LCT: variants seen among roughly 807,000 people sequenced by gnomAD.
LCT encodes the protein lactase/phlorizin hydrolase.
A neutral mutation model predicts 173.0 loss-of-function variants in LCT; 90 were observed. The observed-to-expected ratio is 0.52, with a 90% CI of 0.44 to 0.62. LCT has a LOEUF of 0.62. LCT is among the 20% of genes least tolerant of loss of function. The probability of loss-of-function intolerance (pLI) is 0.00; values close to 1 mark genes in which losing one functional copy is unlikely to be tolerated. For missense variants in LCT, 1,864 were observed against 2,431.4 expected (o/e 0.77, Z 4.91); for synonymous variants, 853 against 957.6 (o/e 0.89, Z 2.02).
At position 135,798,119 on chromosome 2, in the gene LCT, G is replaced by A. The variant is rs1365427482; in HGVS notation, c.4886C>T (p.Ala1629Val). 1.2e-6 allele frequency: 2 copies of A among 1,606,620 alleles called. No homozygotes were observed. Among genetic ancestry groups the A allele is most frequent in the Non-Finnish European group, 1.7e-6 (2 of 1,173,064 alleles). The change falls in exon 13 of 17, where the codon GCA becomes GTA. Residue 1629 changes from alanine to valine, a missense_variant. Coordinates refer to ENST00000264162, the MANE Select transcript of LCT (RefSeq NM_002299.4). ...ATCTCCATTCTTGAAAATAGGATGTGCAAACCAGCCTCCCATGAACTGCGG... is the reference window on the plus strand; with the variant it reads ...ATCTCCATTCTTGAAAATAGGATGTACAAACCAGCCTCCCATGAACTGCGG... ...RYVQFMGGWF[A>V]HPIFKNGDYN...
At position 135,823,928 on chromosome 2, in the gene LCT, C is replaced by A. The variant is rs1558743815; in HGVS notation, c.880G>T (p.Ala294Ser). The A allele has an allele frequency of 3.1e-6, 5 of 1,613,578 alleles. No individual in the cohort carries two copies. The highest frequency in any genetic ancestry group is 2.5e-6 in the Non-Finnish European group (3 of 1,179,594). ...TCAAAAAGGCTGAAGAGCAGACTGG[C>A]TGGGTTCTTCATGGTGGAGGGGCAG... ...PDCPSTMKNP[A>S]SLLFSLFEAI... The change falls in exon 4 of 17, where the codon GCC becomes TCC. Residue 294 changes from alanine to serine, a missense_variant. This residue lies in a region of LCT where 412 missense variants were observed against 462.0 expected (regional missense o/e 0.89). Coordinates refer to ENST00000264162, the MANE Select transcript of LCT (RefSeq NM_002299.4).
intron 3 of LCT, among the ~76,000 whole-genome samples, chr2:135,826,345 C>T (rs2077888411): frequency 6.7e-6 from 1 of 150,322 alleles, no homozygotes; most frequent in Non-Finnish European, 1.5e-5. Flanking sequence ...TCACTTGAGG[C>T]CAGGAGTTCG....
intron 2 of LCT, among the ~76,000 whole-genome samples, chr2:135,831,241 G>C (rs1022870580): frequency 6.6e-6 from 1 of 152,178 alleles, no homozygotes; most frequent in Non-Finnish European, 1.5e-5. Context: ...GCACAGTTAC[G>C]TGTACATTAA....
In LCT at chr2:135,790,718, C is replaced by G; in HGVS notation, c.5275G>C (p.Asp1759His). The G allele has an allele frequency of 1.9e-6, 3 of 1,613,684 alleles. No individual in the cohort carries two copies. Among genetic ancestry groups the G allele is most frequent in the Non-Finnish European group, 2.5e-6 (3 of 1,179,954 alleles). ...ENGVSQREETDLNDTARIYYL... is the reference protein window; with the variant it reads ...ENGVSQREETHLNDTARIYYL... ...TAGATCCTTGCAGTGTCATTGAGGT[C>G]TGTTTCTTCCCGCTGGGACACTCCA... The change falls in exon 15 of 17, where the codon GAC (aspartate) becomes CAC (histidine). Residue 1759 changes from aspartate (D) to histidine (H), a missense_variant. Physicochemically the swap from Asp to His is moderately conservative, Grantham distance 81. Around this residue, in one of 4 missense-constraint regions of LCT, gnomAD observed 514 missense variants for 750.1 expected, o/e 0.69. Coordinates refer to ENST00000264162, the MANE Select transcript of LCT (RefSeq NM_002299.4). The surrounding 1 kb of genome is among the most constrained non-coding windows in gnomAD (Gnocchi z 4.1).
chr2:135,823,851 A>G (rs2077859166), intron 4 of LCT, 50 bp downstream of exon 4: 3 of 1,213,890 alleles, frequency 2.5e-6, no homozygotes, highest in Admixed American at 1.7e-5. Flanking sequence ...TACCTAGCAC[A>G]CCAGTGCACC....
In LCT at chr2:135,809,500, TC is replaced by T; in HGVS notation, c.2846del (p.Gly949GlufsTer15). The T allele has an allele frequency of 6.2e-7, 1 of 1,614,248 alleles. No homozygotes were observed. Among genetic ancestry groups the T allele is most frequent in the Non-Finnish European group, 8.5e-7 (1 of 1,180,040 alleles). On this transcript the variant is annotated frameshift_variant, in exon 8 of 17. Coordinates refer to ENST00000264162, the MANE Select transcript of LCT (RefSeq NM_002299.4). LOFTEE classifies it high-confidence loss of function. The surrounding 1 kb of genome is among the most constrained non-coding windows in gnomAD (Gnocchi z 5.5). ...GGTGATAGCTGTCACAGGCGATGTC[TC>T]CAGTGGCATTGTCTTTCACATTGCT... ...PGSNVKDNAT[G>X]DIACDSYHQL... is the part of the protein sequence containing the mutation.
At chr2:135,828,303 A>G (rs1014857079) in intron 3 of LCT, among the ~76,000 whole-genome samples, 1 of 152,174 alleles carries the variant, frequency 6.6e-6, no homozygotes. Flanking sequence ...GATTACAGGC[A>G]TGAGCCACTG....
intron 5 of LCT, chr2:135,820,199 C>T (rs908855637): frequency 1.3e-5 from 2 of 152,306 alleles, no homozygotes; most frequent in African/African-American, 4.8e-5. Context: ...CCACATCCTC[C>T]TGAGTAGGGG....
intron 16 of LCT, 36 bp downstream of exon 16, chr2:135,789,535 C>T (rs1220603840): frequency 6.6e-7 from 1 of 1,512,070 alleles, no homozygotes; most frequent in Non-Finnish European, 9.2e-7. Flanking sequence ...TGCCCTTCAC[C>T]CTTAGGCTTT....
rs114828879 is a variant in LCT, at chr2:135,788,340, G to A, written c.5768C>T (p.Pro1923Leu). ...KTQRSQQELS[P>L]VSSF Reference sequence around the variant, plus strand: ...GGTAACTCATCAGAATGAAGACACCGGGCTCAATTCCTGTTGGCTTCGTTG... The same window carrying A: ...GGTAACTCATCAGAATGAAGACACCAGGCTCAATTCCTGTTGGCTTCGTTG... Residue 1923 changes from proline (P) to leucine (L), a missense_variant, in exon 17 of 17, where the codon CCG becomes CTG. Around this residue, in one of 4 missense-constraint regions of LCT, gnomAD observed 514 missense variants for 750.1 expected, o/e 0.69. Transcript: ENST00000264162. The A allele has an allele frequency of 4.5e-5, 73 of 1,612,830 alleles. No homozygotes were observed. Among genetic ancestry groups the A allele is most frequent in the Non-Finnish European group, 5.7e-5 (67 of 1,179,296 alleles).
In LCT at chr2:135,788,162, G is replaced by C; in HGVS notation, c.*162C>G. ...GATGGAGATATTTCCATTTTACTCA[G>C]CAAGTCGAAATCATTCAAGATTAAA... On this transcript the variant is annotated 3_prime_UTR_variant, in exon 17 of 17. Transcript: ENST00000264162. 1.5e-6 allele frequency: 1 copy of C among 681,314 alleles called. No homozygotes were observed. Among genetic ancestry groups the C allele is most frequent in the Non-Finnish European group, 2.6e-6 (1 of 381,904 alleles). 42.2% of individuals were successfully genotyped at this position (681,314 alleles called of 1,614,324 possible). A position where few individuals can be genotyped will look rare whatever the true frequency, so the allele number is the denominator to read the frequency against.
At position 135,837,075 on chromosome 2, in the gene LCT, G is replaced by C; in HGVS notation, c.95C>G (p.Ala32Gly). ...WESDRNFIST[A>G]GPLTNDLLHN... is the part of the protein sequence containing the mutation. ...CAGCAAGTCATTGGTTAGAGGACCAGCGGTGGAAATGAAATTTCTATCAGA... is the reference window on the plus strand; with the variant it reads ...CAGCAAGTCATTGGTTAGAGGACCACCGGTGGAAATGAAATTTCTATCAGA... The change falls in exon 1 of 17, where the codon GCT becomes GGT. Residue 32 changes from alanine (A) to glycine (G), a missense_variant. Physicochemically the swap from Ala to Gly is moderately conservative, Grantham distance 60. Around this residue, in one of 4 missense-constraint regions of LCT, gnomAD observed 412 missense variants for 462.0 expected, o/e 0.89. Coordinates refer to ENST00000264162, the MANE Select transcript of LCT (RefSeq NM_002299.4). 1.2e-6 allele frequency: 2 copies of C among 1,614,108 alleles called. No individual in the cohort carries two copies. The highest frequency in any genetic ancestry group is 1.7e-6 in the Non-Finnish European group (2 of 1,180,002).
At chr2:135,811,322 C>T (rs373067294) in intron 7 of LCT, among the ~76,000 whole-genome samples, 75 of 152,118 alleles carry the variant, frequency 4.9e-4, no homozygotes, top group African/African-American at 1.7e-3. Context: ...TGAATATAAC[C>T]TTATTTGGAA....
At position 135,812,291 on chromosome 2, in the gene LCT, G is replaced by A. The variant is rs752399575; in HGVS notation, c.2353+20C>T. ...AAGTACCACCCACCTTCCAATCACT[G>A]GCACATCCATTGTTCTTACCCTTGA... On this transcript the variant is annotated intron_variant, in intron 7 of 16. Transcript: ENST00000264162. 1 of 1,601,622 alleles carries A rather than the reference G, an allele frequency of 6.2e-7. No individual in the cohort carries two copies. The highest frequency in any genetic ancestry group is 8.6e-7 in the Non-Finnish European group (1 of 1,168,726).
intron 6 of LCT, among the ~76,000 whole-genome samples, chr2:135,814,598 C>T (rs1008618881): frequency 6.6e-6 from 1 of 151,534 alleles, no homozygotes; most frequent in Non-Finnish European, 1.5e-5. Context: ...CTCACCACAA[C>T]CTCTACCTCC....
chr2:135,789,581 G>A lies in LCT; in HGVS notation c.5553C>T (p.Leu1851=). The change falls in exon 16 of 17, where the codon CTC becomes CTT. Residue 1851 remains leucine, a synonymous_variant. Transcript: ENST00000264162. ...PDPATGPHAC[L]HQPDAGPTIS... is the part of the protein sequence containing the mutation. ...AGAGCCACATCTCACCTGGCTGGTG[G>A]AGACAAGCGTGAGGCCCTGTAGCGG... 6.2e-7 allele frequency: 1 copy of A among 1,613,168 alleles called. No individual in the cohort carries two copies. Among genetic ancestry groups the A allele is most frequent in the South Asian group, 1.1e-5 (1 of 91,048 alleles).
chr2:135,812,791 G>A lies in LCT; in HGVS notation c.1873C>T (p.His625Tyr). ...TGTGCAAACCAGCCCAGCATGAAGT[G>A]CAAGAAGCGCTCAGAGGCTCTCAGG... is the stretch of plus-strand genomic sequence containing the variant. ...EDLRASERFL[H>Y]FMLGWFAHPV... is the part of the protein sequence containing the mutation. The change falls in exon 7 of 17, where the codon CAC becomes TAC. Residue 625 changes from histidine to tyrosine, a missense_variant. Transcript: ENST00000264162. The A allele has an allele frequency of 6.2e-7, 1 of 1,614,196 alleles. No individual in the cohort carries two copies. The highest frequency in any genetic ancestry group is 1.1e-5 in the South Asian group (1 of 91,090).
chr2:135,807,148 C>T lies in LCT; in HGVS notation c.4153G>A (p.Ala1385Thr), dbSNP rs1399723284. The T allele has an allele frequency of 2.5e-6, 4 of 1,614,130 alleles. No homozygotes were observed. The highest frequency in any genetic ancestry group is 1.3e-5 in the African/African-American group (1 of 74,948). ...CTCACCTGATATGCAGCAGAAGCTGCACTCCAGATGAAGCCCTCAGGAAAC... is the reference window on the plus strand; with the variant it reads ...CTCACCTGATATGCAGCAGAAGCTGTACTCCAGATGAAGCCCTCAGGAAAC... ...GRFPEGFIWS[A>T]ASAAYQIEGA... Residue 1385 changes from alanine (A) to threonine (T), a missense_variant, in exon 9 of 17, where the codon GCA becomes ACA. By Grantham distance (58) the Ala-to-Thr change is moderately conservative. Coordinates refer to ENST00000264162, the MANE Select transcript of LCT (RefSeq NM_002299.4).
At chr2:135,833,417 A>G (rs1194926005) in intron 1 of LCT, among the ~76,000 whole-genome samples, 1 of 142,764 alleles carries the variant, frequency 7.0e-6, no homozygotes. Flanking sequence ...AGAGTTGGCA[A>G]GGAGAGAACT....
Sources: gnomAD v4.1 joint callset for allele counts (sites outside exome capture counted in the v4.1 genomes callset) on GRCh38, gnomAD v4.1.1 for gene constraint, gnomAD v4.1.1 regional missense constraint, Gnocchi (gnomAD v3.1) non-coding constraint, MANE v1.5 for transcripts, NCBI Gene and HGNC (gene_info 2026-07-23, HGNC 2026-07-21) for gene names.